The following ADK variants were observed in gnomAD, a reference collection of about 807,000 sequenced individuals.
ADK encodes adenosine kinase, also known as N6,N6-dimethyladenosine kinase.
Under a neutral mutation model 44.7 loss-of-function variants are expected in ADK, and 24 were observed. The ratio of observed to expected loss-of-function variants is 0.54; its 90% CI spans 0.39 to 0.76. The LOEUF (loss-of-function observed/expected upper bound fraction) is 0.76. Ranked by LOEUF, ADK falls within the 30% of genes least tolerant of loss-of-function variation. ADK has a pLI of 0.00. For synonymous variants in ADK, 128 were observed against 142.6 expected (o/e 0.90, Z 0.73); for missense variants, 321 against 425.1 (o/e 0.76, Z 2.15).
chr10:74,528,997 T>C (rs1849173499), intron 7 of ADK, among the ~76,000 whole-genome samples: 1 of 152,166 alleles, frequency 6.6e-6, no homozygotes, highest in African/African-American at 2.4e-5. Flanking sequence ...CCATATGATC[T>C]AGCAGTTCTA....
intron 3 of ADK, among the ~76,000 whole-genome samples, chr10:74,298,546 C>T (rs1324779766): frequency 6.6e-6 from 1 of 151,966 alleles, no homozygotes; most frequent in Non-Finnish European, 1.5e-5. Context: ...TGAGCCCAGG[C>T]GTTCAAGACC....
intron 10 of ADK, among the ~76,000 whole-genome samples, chr10:74,690,610 C>T (rs766806433): frequency 6.6e-6 from 1 of 152,186 alleles, no homozygotes; most frequent in Admixed American, 6.5e-5. Flanking sequence ...TAAGCTTTGT[C>T]CTGTCAACAG....
chr10:74,255,442 C>G (rs879738630), intron 3 of ADK, among the ~76,000 whole-genome samples: 6 of 152,092 alleles, frequency 3.9e-5, no homozygotes, highest in Non-Finnish European at 7.4e-5. Flanking sequence ...TATAATTGCT[C>G]CCTTACCCTG....
At chr10:74,205,039 T>TAAA (rs1843537877) in intron 2 of ADK, among the ~76,000 whole-genome samples, 1 of 15,098 alleles carries the variant, frequency 6.6e-5, no homozygotes, top group Non-Finnish European at 1.0e-4. Flanking sequence ...ACACTCTGTC[T>TAAA]CAAAAAAAAA....
At chr10:74,538,341 A>G (rs116602928) in intron 7 of ADK, among the ~76,000 whole-genome samples, 147 of 152,316 alleles carry the variant, frequency 9.7e-4, no homozygotes, top group African/African-American at 3.4e-3. Flanking sequence ...TTCTTATAGG[A>G]AAGCCATTTT....
At chr10:74,216,949 A>G (rs1844064457) in intron 2 of ADK, among the ~76,000 whole-genome samples, 1 of 152,152 alleles carries the variant, frequency 6.6e-6, no homozygotes, top group Non-Finnish European at 1.5e-5. Context: ...GATGCAGAAG[A>G]CGGGTGATTT....
chr10:74,295,047 G>C (rs1348397599), intron 3 of ADK, among the ~76,000 whole-genome samples: 2 of 151,812 alleles, frequency 1.3e-5, no homozygotes, highest in African/African-American at 4.8e-5. Context: ...GATAGAGCTG[G>C]GGTTTCACCC....
chr10:74,512,905 C>G (rs1018660081), intron 6 of ADK, among the ~76,000 whole-genome samples: 5 of 151,892 alleles, frequency 3.3e-5, no homozygotes, highest in African/African-American at 1.2e-4. Flanking sequence ...TTCCTATAAA[C>G]TTGACTCTGA....
At chr10:74,294,965 C>T (rs527711197) in intron 3 of ADK, among the ~76,000 whole-genome samples, 1 of 152,168 alleles carries the variant, frequency 6.6e-6, no homozygotes, top group African/African-American at 2.4e-5. Flanking sequence ...AAGTGATTCT[C>T]CCACCTCAGC....
At chr10:74,449,085 G>T (rs1316493856) in intron 6 of ADK, among the ~76,000 whole-genome samples, 1 of 152,174 alleles carries the variant, frequency 6.6e-6, no homozygotes, top group Non-Finnish European at 1.5e-5. Context: ...GTGGAGACTG[G>T]CTAAGTAGTC....
chr10:74,323,208 A>AT (rs201651672), intron 4 of ADK, among the ~76,000 whole-genome samples: 29 of 151,430 alleles, frequency 1.9e-4, no homozygotes, highest in South Asian at 6.3e-4. Context: ...ATTCAGAAAC[A>AT]TTTTTTTTTG....
At chr10:74,411,079 T>A (rs1373827902) in intron 6 of ADK, among the ~76,000 whole-genome samples, 1 of 152,192 alleles carries the variant, frequency 6.6e-6, no homozygotes, top group Non-Finnish European at 1.5e-5. Context: ...TATTCCTGCA[T>A]TTTTGCCTCA....
intron 9 of ADK, among the ~76,000 whole-genome samples, chr10:74,619,376 AC>A (rs1852897265): frequency 6.6e-6 from 1 of 151,060 alleles, no homozygotes; most frequent in African/African-American, 2.4e-5. Context: ...AATTGCTTGA[AC>A]CCAGGAGGCA....
At chr10:74,343,828 C>CT (rs1321885100) in intron 4 of ADK, among the ~76,000 whole-genome samples, 14 of 152,078 alleles carry the variant, frequency 9.2e-5, no homozygotes, top group African/African-American at 3.4e-4. Context: ...AGGCTGGTCT[C>CT]TAATTCCTGA....
chr10:74,330,985 C>T (rs1841197040), intron 4 of ADK, among the ~76,000 whole-genome samples: 1 of 152,152 alleles, frequency 6.6e-6, no homozygotes, highest in Non-Finnish European at 1.5e-5. Flanking sequence ...TCCCTCTTTT[C>T]TGTAGTCCCT....
chr10:74,221,209 ATTT>A (rs1214539810), intron 2 of ADK, among the ~76,000 whole-genome samples: 1 of 151,934 alleles, frequency 6.6e-6, no homozygotes, highest in Non-Finnish European at 1.5e-5. Flanking sequence ...AATCACAAGC[ATTT>A]TTATACACCA....
chr10:74,245,570 C>T (rs947246506), intron 3 of ADK, among the ~76,000 whole-genome samples: 1 of 148,270 alleles, frequency 6.7e-6, no homozygotes, highest in African/African-American at 2.5e-5. Context: ...AACAAGTATT[C>T]CTCATTCCAT....
intron 6 of ADK, among the ~76,000 whole-genome samples, chr10:74,481,289 A>G (rs1040506558): frequency 3.9e-5 from 6 of 152,110 alleles, no homozygotes; most frequent in African/African-American, 7.2e-5. Flanking sequence ...CTGTGCTACT[A>G]CTTTGTTACT....
intron 6 of ADK, among the ~76,000 whole-genome samples, chr10:74,510,786 C>T (rs1205818603): frequency 6.6e-6 from 1 of 152,200 alleles, no homozygotes; most frequent in Non-Finnish European, 1.5e-5. Context: ...TGACTCACTG[C>T]AGCCTTGACC....
Sources: allele counts gnomAD v4.1 joint callset (sites outside exome capture counted in the v4.1 genomes callset), GRCh38; gene constraint gnomAD v4.1.1; transcripts MANE v1.5; gene names NCBI Gene and HGNC (gene_info 2026-07-23, HGNC 2026-07-21).